The following SLMAP variants were observed in gnomAD, a reference collection of about 807,000 sequenced individuals.
The protein encoded by SLMAP is sarcolemma associated protein.
In SLMAP, 44 loss-of-function variants were observed where a neutral mutation model predicts 128.8. That is an observed-to-expected ratio of 0.34 (90% CI 0.27 to 0.44). The LOEUF (loss-of-function observed/expected upper bound fraction) is 0.44. SLMAP is among the 20% of genes least tolerant of loss of function. SLMAP has a pLI of 1.00. For missense variants in SLMAP, 787 were observed against 985.3 expected (o/e 0.80, Z 2.69); for synonymous variants, 327 against 348.8 (o/e 0.94, Z 0.70).
intron 17 of SLMAP, among the ~76,000 whole-genome samples, chr3:57,903,667 C>T (rs539644503): frequency 3.3e-5 from 5 of 152,158 alleles, no homozygotes; most frequent in South Asian, 2.1e-4. Context: ...AGCCTTAGTC[C>T]GAGAAAAACT....
At chr3:57,834,108 G>A (rs986010868) in intron 3 of SLMAP, among the ~76,000 whole-genome samples, 1 of 152,070 alleles carries the variant, frequency 6.6e-6, no homozygotes, top group Non-Finnish European at 1.5e-5. Context: ...CCAAAATACA[G>A]TAAGTCTTTT....
chr3:57,844,219 C>T lies in SLMAP; in HGVS notation c.419+2848C>T, dbSNP rs111788463. On this transcript the variant is annotated intron_variant, in intron 4 of 24. Coordinates refer to ENST00000671191, the MANE Select transcript of SLMAP (RefSeq NM_001377540.1). ...ACTAGCCTGGGCAACAGGGCAAAAC[C>T]CCGTCTCTACTAAAAATACAAAAAA... Among the ~76,000 whole-genome samples the T allele has an allele frequency of 3.2e-3, 488 of 152,062 alleles. 3 individuals are homozygous for T. Among genetic ancestry groups the T allele is most frequent in the African/African-American group, 0.011 (466 of 41,524 alleles).
intron 14 of SLMAP, among the ~76,000 whole-genome samples, chr3:57,880,795 G>A (rs1234477277): frequency 1.3e-5 from 2 of 152,100 alleles, no homozygotes; most frequent in Non-Finnish European, 2.9e-5. Flanking sequence ...TGAGGTGGGA[G>A]GATCGCTTGA....
At chr3:57,862,581 T>C (rs2095130135) in intron 10 of SLMAP, among the ~76,000 whole-genome samples, 2 of 134,512 alleles carry the variant, frequency 1.5e-5, no homozygotes, top group Admixed American at 1.8e-4. Context: ...GAGGTTGCAG[T>C]GAGCCAAGAT....
chr3:57,886,673 T>A (rs1451115444), intron 14 of SLMAP, among the ~76,000 whole-genome samples: 1 of 136,580 alleles, frequency 7.3e-6, no homozygotes, highest in Admixed American at 7.7e-5. Context: ...AGGGGGAGAA[T>A]AAGGGGGAGA....
At chr3:57,905,512 C>T (rs1283711046) in intron 17 of SLMAP, among the ~76,000 whole-genome samples, 1 of 152,088 alleles carries the variant, frequency 6.6e-6, no homozygotes, top group Non-Finnish European at 1.5e-5. Context: ...AACTCCTGAC[C>T]TCAAGAGATC....
Position 57,911,826 on chromosome 3 carries a change from T to C in SLMAP, c.1700-555T>C, listed in dbSNP as rs377345580. On this transcript the variant is annotated intron_variant, in intron 19 of 24. Transcript: ENST00000671191. The stretch of plus-strand genomic sequence containing the variant: ...CATCAGAAAAGGCCTCTTTAAAGAA[T>C]TGACATTTGAACAGAAAAACGAATC... Among the ~76,000 whole-genome samples, 38 of 149,862 alleles carry C rather than the reference T, an allele frequency of 2.5e-4. 2 individuals are homozygous for C. In the South Asian group the frequency reaches 7.5e-3, roughly 30 times the overall value.
intron 2 of SLMAP, among the ~76,000 whole-genome samples, chr3:57,769,290 T>TCACGCCATTCTCCTGCCTC (rs1461654752): frequency 6.6e-6 from 1 of 152,130 alleles, no homozygotes; most frequent in African/African-American, 2.4e-5. Flanking sequence ...CCTCCTGGGT[T>TCACGCCATTCTCCTGCCTC]CACGCCATTC....
intron 14 of SLMAP, among the ~76,000 whole-genome samples, chr3:57,889,772 C>G (rs553530941): frequency 2.0e-5 from 3 of 152,020 alleles, no homozygotes; most frequent in African/African-American, 4.8e-5. Context: ...TCTTCTGAGC[C>G]CTTTTTATAA....
chr3:57,894,975 C>T (rs1358606125), intron 15 of SLMAP, among the ~76,000 whole-genome samples: 2 of 152,044 alleles, frequency 1.3e-5, no homozygotes, highest in Non-Finnish European at 2.9e-5. Context: ...AGAGAAATGA[C>T]ATTTTCTGCA....
chr3:57,826,202 G>A (rs555273812), intron 2 of SLMAP, among the ~76,000 whole-genome samples: 1 of 151,620 alleles, frequency 6.6e-6, no homozygotes, highest in Non-Finnish European at 1.5e-5. Flanking sequence ...ACCTTTTCTT[G>A]AGTTGTATAA....
chr3:57,762,001 T>C (rs1397898237), intron 2 of SLMAP, among the ~76,000 whole-genome samples: 1 of 138,808 alleles, frequency 7.2e-6, no homozygotes, highest in African/African-American at 2.8e-5. Context: ...GAGCCGAGAT[T>C]GCGCCACTGC....
chr3:57,883,431 T>G (rs2095799257), intron 14 of SLMAP, among the ~76,000 whole-genome samples: 8 of 152,208 alleles, frequency 5.3e-5, no homozygotes, highest in Middle Eastern at 3.4e-3. Flanking sequence ...ACAGAGATCT[T>G]AAAGGCTAAT....
intron 2 of SLMAP, among the ~76,000 whole-genome samples, chr3:57,795,421 C>G (rs553189712): frequency 1.1e-4 from 16 of 152,258 alleles, no homozygotes; most frequent in Non-Finnish European, 2.1e-4. Context: ...CACCTGTAGT[C>G]CCAGCTATTT....
At chr3:57,849,131 C>T (rs1208933027) in intron 5 of SLMAP, among the ~76,000 whole-genome samples, 1 of 151,380 alleles carries the variant, frequency 6.6e-6, no homozygotes, top group Non-Finnish European at 1.5e-5. Context: ...TCAGGTGATC[C>T]ATCCCCCTCG....
chr3:57,816,123 G>A (rs528011360), intron 2 of SLMAP, among the ~76,000 whole-genome samples: 14 of 149,770 alleles, frequency 9.3e-5, no homozygotes, highest in Admixed American at 1.3e-4. Context: ...AATTTAAACC[G>A]TTTGTGTTTG....
At chr3:57,907,102 A>C (rs1388427921) in intron 17 of SLMAP, among the ~76,000 whole-genome samples, 2 of 151,996 alleles carry the variant, frequency 1.3e-5, no homozygotes, top group Non-Finnish European at 2.9e-5. Flanking sequence ...ATCTCGGCTC[A>C]CTGCAACGTC....
chr3:57,758,635 A>G (rs1023044006), intron 2 of SLMAP, among the ~76,000 whole-genome samples: 1 of 152,234 alleles, frequency 6.6e-6, no homozygotes, highest in African/African-American at 2.4e-5. Context: ...CTTAAATGTG[A>G]TACGATGAAT....
intron 2 of SLMAP, among the ~76,000 whole-genome samples, chr3:57,815,322 C>T (rs978414424): frequency 6.6e-6 from 1 of 152,134 alleles, no homozygotes; most frequent in Non-Finnish European, 1.5e-5. Flanking sequence ...ATACCAATAC[C>T]AACTATGGAT....
Sources: allele counts gnomAD v4.1 joint callset (sites outside exome capture counted in the v4.1 genomes callset), GRCh38; gene constraint gnomAD v4.1.1; transcripts MANE v1.5; gene names NCBI Gene and HGNC (gene_info 2026-07-23, HGNC 2026-07-21).